HTR1F: variants seen among roughly 807,000 people sequenced by gnomAD.
HTR1F encodes 5-hydroxytryptamine (serotonin) receptor 1F, G protein-coupled.
In HTR1F, 17 loss-of-function variants were observed where a neutral mutation model predicts 24.0. The observed-to-expected ratio is 0.71, with a 90% CI of 0.48 to 1.06. The LOEUF (loss-of-function observed/expected upper bound fraction) is 1.06, where lower values mean the gene tolerates loss of function less well. Ranked by LOEUF, HTR1F falls within the 50% of genes least tolerant of loss-of-function variation. The pLI is 0.00. For missense variants in HTR1F, 391 were observed against 427.8 expected, an observed-to-expected ratio of 0.91 and a Z score of 0.76; for synonymous variants, 186 against 156.8, an observed-to-expected ratio of 1.19 and a Z score of -1.39.
In HTR1F at chr3:87,849,972, G is replaced by T. The variant is rs1236744011; in HGVS notation, c.-43+27848G>T. 5.9e-5 allele frequency among the ~76,000 whole-genome samples: 9 copies of T among 151,928 alleles called. 1 individual carries two copies. The highest frequency in any genetic ancestry group is 2.2e-4 in the African/African-American group (9 of 41,192). On this transcript the variant is annotated intron_variant, in intron 2 of 2. Coordinates refer to ENST00000319595, the MANE Select transcript of HTR1F (RefSeq NM_001322209.2). ...GTCAGGAAACAACAGGTGCTGGAGA[G>T]GATGTGGAGAAATAAGAACACTTTT...
intron 1 of HTR1F, among the ~76,000 whole-genome samples, chr3:87,820,364 G>A (rs1427367957): frequency 6.6e-6 from 1 of 151,582 alleles, no homozygotes; most frequent in African/African-American, 2.4e-5. Flanking sequence ...TTTTAGTAGA[G>A]ACGGGGTTTC....
chr3:87,947,303 AG>A (rs1300599447), intron 2 of HTR1F, among the ~76,000 whole-genome samples: 5 of 152,188 alleles, frequency 3.3e-5, no homozygotes, highest in African/African-American at 1.2e-4. Context: ...GTTAAAAGAC[AG>A]GAAAAAAAGT....
intron 1 of HTR1F, among the ~76,000 whole-genome samples, chr3:87,797,385 A>T (rs1703923086): frequency 6.6e-6 from 1 of 152,202 alleles, no homozygotes; most frequent in Non-Finnish European, 1.5e-5. Flanking sequence ...AAATTAAAAG[A>T]TCTGCAAAGT....
At chr3:87,956,834 G>T (rs1247442990) in intron 2 of HTR1F, among the ~76,000 whole-genome samples, 1 of 151,246 alleles carries the variant, frequency 6.6e-6, no homozygotes, top group Non-Finnish European at 1.5e-5. Flanking sequence ...CCTGCAACTT[G>T]GTAAAATTCG....
intron 2 of HTR1F, among the ~76,000 whole-genome samples, chr3:87,933,842 TC>T (rs1204676961): frequency 6.6e-6 from 1 of 152,112 alleles, no homozygotes; most frequent in African/African-American, 2.4e-5. Context: ...AGAGATTAAT[TC>T]CATTCCAGGT....
chr3:87,855,547 G>A lies in HTR1F; in HGVS notation c.-43+33423G>A, dbSNP rs200305827. 2.0e-5 allele frequency among the ~76,000 whole-genome samples: 3 copies of A among 152,166 alleles called. No individual in the cohort carries two copies. In the East Asian group the frequency reaches 5.8e-4, roughly 29 times the overall value. On this transcript the variant is annotated intron_variant, in intron 2 of 2. Coordinates refer to ENST00000319595, the MANE Select transcript of HTR1F (RefSeq NM_001322209.2). ...GAATTTAATTTGATATTGATAGTGG[G>A]AGAAAAGTGGGATGCATTAGGGGGC...
chr3:87,813,415 A>G (rs1281070857), intron 1 of HTR1F, among the ~76,000 whole-genome samples: 1 of 152,214 alleles, frequency 6.6e-6, no homozygotes, highest in Non-Finnish European at 1.5e-5. Flanking sequence ...TCCCCATTAT[A>G]TCTTGAAAGT....
intron 2 of HTR1F, among the ~76,000 whole-genome samples, chr3:87,825,191 C>A (rs2107134981): frequency 6.6e-6 from 1 of 152,274 alleles, no homozygotes; most frequent in South Asian, 2.1e-4. Flanking sequence ...TTGCATCTCT[C>A]CCATCACAAG....
chr3:87,884,677 A>C (rs1051006842), intron 2 of HTR1F, among the ~76,000 whole-genome samples: 6 of 118,346 alleles, frequency 5.1e-5, no homozygotes, highest in Non-Finnish European at 1.0e-4. Context: ...AATGGAAAGC[A>C]AAAAAAAGCA....
chr3:87,926,285 TTAAC>T (rs1252015412), intron 2 of HTR1F, among the ~76,000 whole-genome samples: 1 of 152,186 alleles, frequency 6.6e-6, no homozygotes, highest in Non-Finnish European at 1.5e-5. Context: ...GGACTTTAGA[TTAAC>T]TAAATATTTT....
intron 2 of HTR1F, among the ~76,000 whole-genome samples, chr3:87,878,069 C>T (rs774894062): frequency 1.3e-5 from 2 of 152,140 alleles, no homozygotes; most frequent in African/African-American, 2.4e-5. Flanking sequence ...TGGACGGGAT[C>T]TTGAGAATGG....
intron 2 of HTR1F, among the ~76,000 whole-genome samples, chr3:87,937,775 T>C (rs1704460964): frequency 1.3e-5 from 2 of 151,720 alleles, no homozygotes. Context: ...CACAAAAAAA[T>C]CAGCTGGGCA....
chr3:87,870,701 C>A (rs1705534780), intron 2 of HTR1F, among the ~76,000 whole-genome samples: 1 of 151,954 alleles, frequency 6.6e-6, no homozygotes, highest in Non-Finnish European at 1.5e-5. Context: ...GCCTAGGGGT[C>A]ACTAAGAACA....
chr3:87,912,870 A>T (rs1449647512), intron 2 of HTR1F, among the ~76,000 whole-genome samples: 1 of 152,170 alleles, frequency 6.6e-6, no homozygotes, highest in Non-Finnish European at 1.5e-5. Context: ...TTGTGCTGGA[A>T]TAACTGGCTA....
chr3:87,826,216 TAG>T (rs1394486203), intron 2 of HTR1F, among the ~76,000 whole-genome samples: 2 of 152,196 alleles, frequency 1.3e-5, no homozygotes, highest in African/African-American at 4.8e-5. Flanking sequence ...CAAACAGTAT[TAG>T]AGAACCTGGG....
At chr3:87,931,493 G>A (rs1437485966) in intron 2 of HTR1F, among the ~76,000 whole-genome samples, 2 of 152,114 alleles carry the variant, frequency 1.3e-5, no homozygotes, top group African/African-American at 4.8e-5. Context: ...ATTGTGAATA[G>A]TGCTGCAATA....
In HTR1F at chr3:87,991,796, C is replaced by T. The variant is rs374597659; in HGVS notation, c.1047C>T (p.Ile349=). The change falls in exon 3 of 3, where the codon ATC becomes ATT. Residue 349 remains isoleucine (I), a synonymous_variant. Coordinates refer to ENST00000319595, the MANE Select transcript of HTR1F (RefSeq NM_001322209.2). ...NSLINPLIYT[I]FNEDFKKAFQ... is the part of the protein sequence containing the mutation. ...TTATAAATCCACTGATTTACACAATCTTTAATGAAGACTTCAAGAAAGCAT... is the reference window on the plus strand; with the variant it reads ...TTATAAATCCACTGATTTACACAATTTTTAATGAAGACTTCAAGAAAGCAT... The T allele has an allele frequency of 7.5e-6, 12 of 1,604,340 alleles. No homozygotes were observed. Among genetic ancestry groups the T allele is most frequent in the African/African-American group, 1.3e-5 (1 of 74,270 alleles).
At chr3:87,843,280 C>T (rs921395567) in intron 2 of HTR1F, among the ~76,000 whole-genome samples, 4 of 151,870 alleles carry the variant, frequency 2.6e-5, no homozygotes, top group Admixed American at 2.6e-4. Context: ...TTAGCAAAGA[C>T]AACATTGATA....
chr3:87,821,594 C>T (rs1300326391), intron 1 of HTR1F, among the ~76,000 whole-genome samples: 1 of 152,236 alleles, frequency 6.6e-6, no homozygotes, highest in Non-Finnish European at 1.5e-5. Context: ...TATTTGATAA[C>T]ACTGTTCATG....
Sources: allele counts gnomAD v4.1 joint callset (sites outside exome capture counted in the v4.1 genomes callset), GRCh38; gene constraint gnomAD v4.1.1; transcripts MANE v1.5; gene names NCBI Gene and HGNC (gene_info 2026-07-23, HGNC 2026-07-21).